HORMAD2: variants seen among roughly 807,000 people sequenced by gnomAD.
The protein encoded by HORMAD2 is HORMA domain containing 2.
A neutral mutation model predicts 38.8 loss-of-function variants in HORMAD2; 45 were observed. That is an observed-to-expected ratio of 1.16 (90% CI 0.91 to 1.49). HORMAD2 has a LOEUF of 1.49. Among genes scored for constraint, HORMAD2 ranks in the 40% most tolerant of loss-of-function variants. HORMAD2 has a pLI of 0.00. For synonymous variants in HORMAD2, 126 were observed against 122.8 expected (o/e 1.03, Z -0.17); for missense variants, 338 against 367.0 (o/e 0.92, Z 0.65).
At chr22:30,085,743 A>G (rs1485855815) in intron 1 of HORMAD2, among the ~76,000 whole-genome samples, 1 of 152,236 alleles carries the variant, frequency 6.6e-6, no homozygotes, top group African/African-American at 2.4e-5. Flanking sequence ...ACACAGTGAG[A>G]GTCCTTTTCA....
the HORMAD2 span, among the ~76,000 whole-genome samples, chr22:30,204,901 A>G: frequency 2.6e-5 from 4 of 152,282 alleles, no homozygotes; most frequent in East Asian, 7.7e-4. Context: ...TCTTGGCACG[A>G]GCTCTGAGAG....
chr22:30,080,591 T>C (rs1405801493), intron 1 of HORMAD2, 100 bp downstream of exon 1: 1 of 152,220 alleles, frequency 6.6e-6, no homozygotes, highest in Non-Finnish European at 1.5e-5. Flanking sequence ...TCTTTTCTTA[T>C]TACTTAAGGC....
At chr22:30,190,498 C>T in the HORMAD2 span, among the ~76,000 whole-genome samples, 1 of 152,214 alleles carries the variant, frequency 6.6e-6, no homozygotes, top group South Asian at 2.1e-4. Flanking sequence ...TATGAAGTCC[C>T]CATTGGCACC....
At chr22:30,183,986 T>G in the HORMAD2 span, among the ~76,000 whole-genome samples, 1 of 152,230 alleles carries the variant, frequency 6.6e-6, no homozygotes, top group Admixed American at 6.5e-5. Context: ...CTCTGTATGT[T>G]AAAGAATTGG....
At chr22:30,109,224 C>T (rs1361970987) in intron 5 of HORMAD2, among the ~76,000 whole-genome samples, 3 of 151,898 alleles carry the variant, frequency 2.0e-5, no homozygotes, top group Non-Finnish European at 4.4e-5. Flanking sequence ...CGGGGTTTCA[C>T]CATGTCGGCC....
intron 10 of HORMAD2, among the ~76,000 whole-genome samples, chr22:30,146,275 G>C (rs1015907114): frequency 6.6e-6 from 1 of 152,022 alleles, no homozygotes; most frequent in African/African-American, 2.4e-5. Context: ...AGTGGATCAC[G>C]AGGTCAGGAG....
At chr22:30,197,659 C>G in the HORMAD2 span, among the ~76,000 whole-genome samples, 1 of 152,038 alleles carries the variant, frequency 6.6e-6, no homozygotes, top group Non-Finnish European at 1.5e-5. Context: ...TTATGGACAA[C>G]AACTAGGGAA....
rs1278812207 is a variant in HORMAD2 at position 30,153,081 on chromosome 22, CA to C, written c.820-22981del. 5.3e-5 allele frequency among the ~76,000 whole-genome samples: 8 copies of C among 152,124 alleles called. No homozygotes were observed. The South Asian group carries it at 1.0e-3, about 20-fold the overall frequency. ...CAAGTTTCTCTACCCAGTTTCCCCC[CA>C]TCTCAGCACCACCTTTATCTCAGTG... On this transcript the variant is annotated intron_variant, in intron 10 of 10. Transcript: ENST00000336726.
At chr22:30,110,425 G>A (rs1260575035) in intron 5 of HORMAD2, among the ~76,000 whole-genome samples, 1 of 132,998 alleles carries the variant, frequency 7.5e-6, no homozygotes, top group African/African-American at 2.9e-5. Flanking sequence ...TCGCTCTGTC[G>A]CCCAGGCTGG....
In HORMAD2 at chr22:30,121,959, C is replaced by G; in HGVS notation, c.569-5C>G. On this transcript the variant is annotated splice_polypyrimidine_tract_variant and splice_region_variant and intron_variant, in intron 9 of 10. Transcript: ENST00000336726. The stretch of plus-strand genomic sequence containing the variant: ...TCATGGCTTTTTGCCCTTTTCATTT[C>G]GCAGTGACCCCACATGATTACCAAC... 4 of 1,606,620 alleles carry G rather than the reference C, an allele frequency of 2.5e-6. No homozygotes were observed. Among genetic ancestry groups the G allele is most frequent in the Non-Finnish European group, 3.4e-6 (4 of 1,176,280 alleles).
At chr22:30,194,472 C>G in the HORMAD2 span, among the ~76,000 whole-genome samples, 4 of 152,132 alleles carry the variant, frequency 2.6e-5, no homozygotes, top group African/African-American at 7.2e-5. Context: ...TGTGATGAAG[C>G]AGATTCTCAT....
chr22:30,160,887 C>T (rs985221437), intron 10 of HORMAD2, among the ~76,000 whole-genome samples: 37 of 152,268 alleles, frequency 2.4e-4, no homozygotes, highest in Admixed American at 1.3e-4. Flanking sequence ...TTCATCATTT[C>T]CTGCATAAAT....
At chr22:30,099,070 C>A in intron 3 of HORMAD2, 77 bp downstream of exon 3, 1 of 1,299,426 alleles carries the variant, frequency 7.7e-7, no homozygotes, top group Non-Finnish European at 1.0e-6. Context: ...TTTCACGTCT[C>A]ACAAAGTGTG....
At chr22:30,111,259 G>A (rs1921629509) in intron 5 of HORMAD2, among the ~76,000 whole-genome samples, 1 of 152,082 alleles carries the variant, frequency 6.6e-6, no homozygotes, top group Admixed American at 6.6e-5. Flanking sequence ...GCCAAGATGG[G>A]AGGATCACTT....
intron 10 of HORMAD2, among the ~76,000 whole-genome samples, chr22:30,173,024 A>C (rs1306262779): frequency 6.6e-6 from 1 of 152,192 alleles, no homozygotes; most frequent in African/African-American, 2.4e-5. Flanking sequence ...GTGTCAGGGA[A>C]GCCCAGCAGG....
At chr22:30,196,633 G>A in the HORMAD2 span, among the ~76,000 whole-genome samples, 6 of 152,224 alleles carry the variant, frequency 3.9e-5, no homozygotes, top group Admixed American at 3.9e-4. Context: ...CTGGGCTGAA[G>A]GGAAGTGTCA....
intron 4 of HORMAD2, 114 bp downstream of exon 4, chr22:30,103,614 T>A: frequency 2.0e-6 from 1 of 493,564 alleles, no homozygotes; most frequent in Non-Finnish European, 3.6e-6. Context: ...TCTTCTTTTC[T>A]ACTTTCCCTC....
intron 10 of HORMAD2, among the ~76,000 whole-genome samples, chr22:30,142,818 T>A (rs1366835531): frequency 1.3e-5 from 2 of 152,188 alleles, no homozygotes; most frequent in East Asian, 3.9e-4. Flanking sequence ...TCTTTAATTT[T>A]TTTCACTATT....
chr22:30,178,134 GAGTAATT>G (rs36015086), downstream of HORMAD2, among the ~76,000 whole-genome samples: 31,219 of 151,874 alleles, frequency 0.21, 3,670 homozygotes, highest in Middle Eastern at 0.38. Flanking sequence ...TAGCACTACT[GAGTAATT>G]AGTTAATCTG....
Sources: allele counts gnomAD v4.1 joint callset (sites outside exome capture counted in the v4.1 genomes callset), GRCh38; gene constraint gnomAD v4.1.1; transcripts MANE v1.5; gene names NCBI Gene and HGNC (gene_info 2026-07-23, HGNC 2026-07-21).